ZNF493: variants seen among roughly 807,000 people sequenced by gnomAD.
The protein encoded by ZNF493 is zinc finger protein 493.
A neutral mutation model predicts 12.2 loss-of-function variants in ZNF493; 11 were observed. The observed-to-expected ratio is 0.90, with a 90% CI of 0.57 to 1.50. The LOEUF (loss-of-function observed/expected upper bound fraction) is 1.50, where lower values mean the gene tolerates loss of function less well. ZNF493 is among the 40% of genes most tolerant of loss of function. ZNF493 has a pLI of 0.00. For missense variants in ZNF493, 950 were observed against 906.6 expected (o/e 1.05, Z -0.61); for synonymous variants, 286 against 302.6 (o/e 0.95, Z 0.57).
intron 3 of ZNF493, among the ~76,000 whole-genome samples, chr19:21,421,047 CA>C (rs778493363): frequency 6.6e-6 from 1 of 152,018 alleles, no homozygotes; most frequent in Non-Finnish European, 1.5e-5. Flanking sequence ...TGCACCCAGC[CA>C]ACACATCACT....
At chr19:21,410,754 A>T (rs978326780) in intron 3 of ZNF493, among the ~76,000 whole-genome samples, 11 of 151,664 alleles carry the variant, frequency 7.3e-5, no homozygotes, top group Non-Finnish European at 1.6e-4. Flanking sequence ...TTTCTAAGAG[A>T]TTTATTACTT....
At chr19:21,418,195 C>A (rs1331015833) in intron 3 of ZNF493, among the ~76,000 whole-genome samples, 1 of 152,120 alleles carries the variant, frequency 6.6e-6, no homozygotes, top group Non-Finnish European at 1.5e-5. Flanking sequence ...TCTTTTTCTT[C>A]AAAATAATAA....
At chr19:21,405,890 T>C (rs1055753) in intron 3 of ZNF493, 34 bp downstream of exon 3, 326,675 of 692,958 alleles carry the variant, frequency 0.47, 85,350 homozygotes, top group Middle Eastern at 0.64. Flanking sequence ...TTGACATAGA[T>C]GAAAGGTTGA....
At chr19:21,401,020 C>G (rs1406769876) in intron 1 of ZNF493, among the ~76,000 whole-genome samples, 2 of 152,110 alleles carry the variant, frequency 1.3e-5, no homozygotes, top group Non-Finnish European at 2.9e-5. Context: ...AAAAAGCATT[C>G]TTTTCTTGTG....
In ZNF493 at chr19:21,425,231, T is replaced by A; in HGVS notation, c.*247T>A. 1 of 545,968 alleles carries A rather than the reference T, an allele frequency of 1.8e-6. No individual in the cohort carries two copies. Among genetic ancestry groups the A allele is most frequent in the South Asian group, 2.1e-5 (1 of 48,126 alleles). The allele number at this position is 545,968 out of a possible 1,614,324, so 33.8% of individuals were successfully genotyped here. ...AAGGCTTTAATTAGTTCTCATCCCT[T>A]ACTAAACATAAGAGAATTCATACCA... On this transcript the variant is annotated 3_prime_UTR_variant, in exon 4 of 4. Coordinates refer to ENST00000392288, the MANE Select transcript of ZNF493 (RefSeq NM_001076678.3).
chr19:21,407,366 G>T (rs1160860441), intron 3 of ZNF493: 2 of 152,034 alleles, frequency 1.3e-5, no homozygotes, highest in Non-Finnish European at 2.9e-5. Context: ...TCTGCTCACT[G>T]CAAGCTCCAC....
At position 21,425,841 on chromosome 19, in the gene ZNF493, A is replaced by G. The variant is rs765536582; in HGVS notation, c.*857A>G. On this transcript the variant is annotated 3_prime_UTR_variant, in exon 4 of 4. Transcript: ENST00000392288. ...TCCTAGTAAACATAATTAATGATGGAGAGAAACCATACAACTGTGAAGAAT... is the reference window on the plus strand; with the variant it reads ...TCCTAGTAAACATAATTAATGATGGGGAGAAACCATACAACTGTGAAGAAT... The G allele has an allele frequency of 1.6e-5, 9 of 565,028 alleles. No individual in the cohort carries two copies. The highest frequency in any genetic ancestry group is 3.1e-5 in the Non-Finnish European group (9 of 289,158). 35.0% of individuals were successfully genotyped at this position (565,028 alleles called of 1,614,324 possible).
At chr19:21,421,756 G>T (rs963672858) in intron 3 of ZNF493, among the ~76,000 whole-genome samples, 1 of 152,182 alleles carries the variant, frequency 6.6e-6, no homozygotes, top group Non-Finnish European at 1.5e-5. Flanking sequence ...TTGAACAATT[G>T]TCTGAGTTAG....
chr19:21,425,858 G>A lies in ZNF493; in HGVS notation c.*874G>A. On this transcript the variant is annotated 3_prime_UTR_variant, in exon 4 of 4. Transcript: ENST00000392288. ...AATGATGGAGAGAAACCATACAACT[G>A]TGAAGAATGTGGCAAAGCTTTTAAC... 1 of 578,700 alleles carries A rather than the reference G, an allele frequency of 1.7e-6. No homozygotes were observed. Among genetic ancestry groups the A allele is most frequent in the East Asian group, 5.0e-5 (1 of 20,194 alleles). The allele number at this position is 578,700 out of a possible 1,614,324, so 35.8% of individuals were successfully genotyped here. A position where few individuals can be genotyped will look rare whatever the true frequency, so the allele number is the denominator to read the frequency against.
chr19:21,414,039 C>G (rs1236076159), intron 3 of ZNF493: 1 of 152,386 alleles, frequency 6.6e-6, no homozygotes, highest in Non-Finnish European at 1.5e-5. Context: ...AAAAATGTAG[C>G]TAGAGCTTGG....
At chr19:21,405,408 A>C (rs1178257709) in intron 2 of ZNF493, 153 bp downstream of exon 2, 12 of 1,451,792 alleles carry the variant, frequency 8.3e-6, no homozygotes, top group Non-Finnish European at 9.9e-6. Context: ...TGTGGAAAAA[A>C]ATTTCTTCAG....
intron 3 of ZNF493, among the ~76,000 whole-genome samples, chr19:21,406,822 G>GA (rs1306887806): frequency 2.0e-5 from 3 of 151,418 alleles, no homozygotes; most frequent in African/African-American, 4.9e-5. Context: ...ATTACTATAA[G>GA]AAAAAAATGC....
intron 3 of ZNF493, among the ~76,000 whole-genome samples, chr19:21,406,755 A>C (rs528473686): frequency 6.6e-6 from 1 of 151,566 alleles, no homozygotes; most frequent in African/African-American, 2.4e-5. Context: ...TCTCATAATT[A>C]ATTTGGCTAT....
At chr19:21,401,414 A>AT (rs2029939418) in intron 1 of ZNF493, among the ~76,000 whole-genome samples, 1 of 151,770 alleles carries the variant, frequency 6.6e-6, no homozygotes. Flanking sequence ...CAAGGTTTCT[A>AT]TTTTTTTGTT....
chr19:21,397,451 G>T, intron 1 of ZNF493, 184 bp downstream of exon 1: 1 of 726,514 alleles, frequency 1.4e-6, no homozygotes. Context: ...CAACAGCCGG[G>T]GCCCCGGGCG....
At position 21,424,636 on chromosome 19, in the gene ZNF493, T is replaced by G. The variant is rs1203127688; in HGVS notation, c.1977T>G (p.Cys659Trp). 1 of 1,613,762 alleles carries G rather than the reference T, an allele frequency of 6.2e-7. No homozygotes were observed. The highest frequency in any genetic ancestry group is 8.5e-7 in the Non-Finnish European group (1 of 1,179,812). Residue 659 changes from cysteine to tryptophan, a missense_variant, in exon 4 of 4, where the codon TGT becomes TGG. By Grantham distance (215) the Cys-to-Trp change is radical. Transcript: ENST00000392288. ...QIHSVQKPYK[C>W]EECGKAFSIF... ...ATAGTGTACAAAAACCCTACAAATG[T>G]GAAGAATGTGGCAAAGCCTTTAGTA...
intron 3 of ZNF493, chr19:21,408,883 T>TTA: frequency 8.6e-6 from 4 of 463,078 alleles, no homozygotes; most frequent in Non-Finnish European, 1.1e-5. Flanking sequence ...CTTTCTTTCT[T>TTA]TTTTTTTTTT....
intron 3 of ZNF493, among the ~76,000 whole-genome samples, chr19:21,409,434 AAATCTATTT>A (rs2030248111): frequency 6.6e-6 from 1 of 152,176 alleles, no homozygotes; most frequent in Non-Finnish European, 1.5e-5. Flanking sequence ...TTAGCATCTT[AAATCTATTT>A]AAGTGTACAT....
At chr19:21,415,883 A>T (rs750376219) in intron 3 of ZNF493, among the ~76,000 whole-genome samples, 5 of 152,240 alleles carry the variant, frequency 3.3e-5, no homozygotes, top group Non-Finnish European at 7.3e-5. Flanking sequence ...TTGGAATTAT[A>T]GCAGGAGAAG....
Sources: gnomAD v4.1 joint callset for allele counts (sites outside exome capture counted in the v4.1 genomes callset) on GRCh38, gnomAD v4.1.1 for gene constraint, MANE v1.5 for transcripts, NCBI Gene and HGNC (gene_info 2026-07-23, HGNC 2026-07-21) for gene names.